Variants in ANK2 observed in about 807,000 individuals in gnomAD.
ANK2 encodes ankyrin-2.
A neutral mutation model predicts 360.5 loss-of-function variants in ANK2; 83 were observed. That is an observed-to-expected ratio of 0.23 (90% CI 0.19 to 0.28). The LOEUF is 0.28. Among genes scored for constraint, ANK2 ranks in the 10% least tolerant of loss-of-function variants. ANK2 has a pLI of 1.00. For synonymous variants in ANK2, 1,740 were observed against 1,759.5 expected, an observed-to-expected ratio of 0.99 and a Z score of 0.28; for missense variants, 4,201 against 4,795.7, an observed-to-expected ratio of 0.88 and a Z score of 3.66.
intron 1 of ANK2, among the ~76,000 whole-genome samples, chr4:112,873,702 ATTT>A (rs373762462): frequency 1.5e-5 from 2 of 132,074 alleles, no homozygotes; most frequent in Non-Finnish European, 1.7e-5. Flanking sequence ...ACGCTTGGCT[ATTT>A]TTTTTTTTTT....
At chr4:113,107,090 T>G (rs984072174) in intron 1 of ANK2, 19 of 302,218 alleles carry the variant, frequency 6.3e-5, no homozygotes, top group Non-Finnish European at 1.0e-4. Context: ...TGTAAATCTT[T>G]GATAATGAAG....
At chr4:113,327,678 T>G (rs912497387) in intron 26 of ANK2, among the ~76,000 whole-genome samples, 27 of 152,308 alleles carry the variant, frequency 1.8e-4, no homozygotes, top group African/African-American at 6.5e-4. Context: ...TGTGTGGACT[T>G]AGTCATTTCT....
Position 113,278,972 on chromosome 4 carries a change from C to CT in ANK2, c.1881+423dup, listed in dbSNP as rs138551277. Among the ~76,000 whole-genome samples the CT allele has an allele frequency of 8.1e-3, 1,228 of 151,000 alleles. 11 individuals are homozygous for CT. The highest frequency in any genetic ancestry group is 0.013 in the Non-Finnish European group (848 of 67,706). ...TTCAAACTTCTATTTGTTTCTTTGT[C>CT]TTTTTTTTTAATGTTTTACCTGTGT... On this transcript the variant is annotated intron_variant, in intron 17 of 45. Coordinates refer to ENST00000357077, the MANE Select transcript of ANK2 (RefSeq NM_001148.6).
In ANK2 at chr4:113,151,076, A is replaced by G. The variant is rs557215062; in HGVS notation, c.85-23340A>G. On this transcript the variant is annotated intron_variant, in intron 1 of 45. Transcript: ENST00000357077. Reference sequence around the variant, plus strand: ...ATCTATTTATGGGAATTTTCCCACTACAGGTGACATGCCCCCAGATGAAAC... The same window carrying G: ...ATCTATTTATGGGAATTTTCCCACTGCAGGTGACATGCCCCCAGATGAAAC... 4 of 1,288,480 alleles carry G rather than the reference A, an allele frequency of 3.1e-6. No individual in the cohort carries two copies. In the South Asian group the frequency reaches 3.7e-5, roughly 12 times the overall value. 79.8% of individuals were successfully genotyped at this position (1,288,480 alleles called of 1,614,324 possible).
chr4:113,162,619 CA>C, intron 1 of ANK2, among the ~76,000 whole-genome samples: 1 of 151,978 alleles, frequency 6.6e-6, no homozygotes. Context: ...AATAGTAAAA[CA>C]AGTTTGTAAA....
At chr4:113,275,080 G>A (rs1017512264) in intron 15 of ANK2, among the ~76,000 whole-genome samples, 5 of 152,108 alleles carry the variant, frequency 3.3e-5, no homozygotes, top group African/African-American at 9.7e-5. Flanking sequence ...CAATTTACTT[G>A]TACATTTTCG....
chr4:113,222,213 T>C (rs1320843384), intron 4 of ANK2, among the ~76,000 whole-genome samples: 1 of 152,200 alleles, frequency 6.6e-6, no homozygotes, highest in African/African-American at 2.4e-5. Context: ...AAATAAAAAC[T>C]GGAAGAATTC....
intron 4 of ANK2, among the ~76,000 whole-genome samples, chr4:113,224,688 A>G (rs1201332116): frequency 6.6e-6 from 1 of 152,224 alleles, no homozygotes; most frequent in Admixed American, 6.5e-5. Context: ...TATTTTATGT[A>G]ATCATTTGAA....
intron 2 of ANK2, among the ~76,000 whole-genome samples, chr4:112,971,089 G>A (rs1471652652): frequency 6.6e-6 from 1 of 152,052 alleles, no homozygotes; most frequent in East Asian, 1.9e-4. Context: ...GGAAAAAGCT[G>A]ACTCATGAAA....
At chr4:112,903,954 A>G (rs2084329592) in intron 1 of ANK2, among the ~76,000 whole-genome samples, 1 of 152,188 alleles carries the variant, frequency 6.6e-6, no homozygotes, top group Non-Finnish European at 1.5e-5. Context: ...CTTCTGACAT[A>G]TTGTAGATGT....
intron 2 of ANK2, among the ~76,000 whole-genome samples, chr4:112,962,882 A>G (rs1293860017): frequency 1.3e-5 from 2 of 152,126 alleles, no homozygotes; most frequent in Non-Finnish European, 2.9e-5. Context: ...TATAAGGGAA[A>G]TTATTTTCTC....
In ANK2 at chr4:113,353,266, G is replaced by C. The variant is rs2154016099; in HGVS notation, c.4648G>C (p.Glu1550Gln). ...AAEEEPGEPF[E>Q]IVERVKEDLE... ...TGAGGAAGAGCCAGGAGAGCCTTTT[G>C]AAATCGTTGAAAGAGTTAAAGAGGA... Residue 1550 changes from glutamate (E) to glutamine (Q), a missense_variant, in exon 38 of 46, where the codon GAA becomes CAA. Coordinates refer to ENST00000357077, the MANE Select transcript of ANK2 (RefSeq NM_001148.6). 3.7e-6 allele frequency: 6 copies of C among 1,613,924 alleles called. No individual in the cohort carries two copies. Among genetic ancestry groups the C allele is most frequent in the Non-Finnish European group, 5.1e-6 (6 of 1,179,920 alleles).
At chr4:113,196,327 ATTACT>A in intron 2 of ANK2, 36 bp from the exon 3 acceptor site, 1 of 1,519,316 alleles carries the variant, frequency 6.6e-7, no homozygotes, top group Non-Finnish European at 9.1e-7. Flanking sequence ...TATTTTCCTC[ATTACT>A]TCACTTCTTA....
At chr4:113,372,036 G>C (rs950638427) in intron 43 of ANK2, among the ~76,000 whole-genome samples, 1 of 152,156 alleles carries the variant, frequency 6.6e-6, no homozygotes, top group African/African-American at 2.4e-5. Context: ...ATGCCAGGGA[G>C]ATGCACTATT....
chr4:113,347,425 A>G (rs548243454), intron 35 of ANK2, among the ~76,000 whole-genome samples: 1 of 152,310 alleles, frequency 6.6e-6, no homozygotes, highest in South Asian at 2.1e-4. Flanking sequence ...AATAAGAACG[A>G]CAAAGAAATA....
At chr4:112,795,464 G>T in the ANK2 span, among the ~76,000 whole-genome samples, 2 of 152,038 alleles carry the variant, frequency 1.3e-5, no homozygotes, top group African/African-American at 4.8e-5. Context: ...TTAGATAAAT[G>T]TCAAGATCCA....
intron 2 of ANK2, among the ~76,000 whole-genome samples, chr4:112,921,373 CTTTAAGT>C (rs2091453909): frequency 7.7e-6 from 1 of 129,756 alleles, no homozygotes; most frequent in East Asian, 2.5e-4. Context: ...CATTAGGTTT[CTTTAAGT>C]TTTTTTTTTT....
intron 1 of ANK2, among the ~76,000 whole-genome samples, chr4:113,081,766 G>C (rs575349741): frequency 6.6e-6 from 1 of 151,246 alleles, no homozygotes; most frequent in Non-Finnish European, 1.5e-5. Flanking sequence ...CATATTTTAA[G>C]TACTCAATAA....
intron 4 of ANK2, among the ~76,000 whole-genome samples, chr4:113,225,931 G>C (rs995031788): frequency 6.6e-5 from 10 of 152,092 alleles, no homozygotes; most frequent in African/African-American, 2.4e-4. Context: ...AATACAGCAT[G>C]ATTTCTATAT....
Sources: allele counts gnomAD v4.1 joint callset (sites outside exome capture counted in the v4.1 genomes callset), GRCh38; gene constraint gnomAD v4.1.1; transcripts MANE v1.5; gene names NCBI Gene and HGNC (gene_info 2026-07-23, HGNC 2026-07-21).